The following SPAG16 variants were observed in gnomAD, a reference collection of about 807,000 sequenced individuals.
SPAG16 encodes sperm associated antigen 16.
SPAG16 carries 86 observed loss-of-function variants against 80.4 expected under a neutral mutation model. The observed-to-expected ratio is 1.07, with a 90% CI of 0.90 to 1.28. The LOEUF (loss-of-function observed/expected upper bound fraction) is 1.28. Among genes scored for constraint, SPAG16 ranks in the 50% most tolerant of loss-of-function variants. SPAG16 has a pLI of 0.00. For synonymous variants in SPAG16, 294 were observed against 265.9 expected, an observed-to-expected ratio of 1.11 and a Z score of -1.03; for missense variants, 870 against 765.3, an observed-to-expected ratio of 1.14 and a Z score of -1.61.
intron 12 of SPAG16, among the ~76,000 whole-genome samples, chr2:213,960,255 A>G (rs577191425): frequency 6.6e-6 from 1 of 152,088 alleles, no homozygotes; most frequent in African/African-American, 2.4e-5. Flanking sequence ...ATTGTGTTCA[A>G]CATTGTTTTT....
At chr2:213,559,640 A>C (rs2059539398) in intron 10 of SPAG16, among the ~76,000 whole-genome samples, 1 of 152,160 alleles carries the variant, frequency 6.6e-6, no homozygotes, top group Non-Finnish European at 1.5e-5. Flanking sequence ...ACAATAAGAA[A>C]TGTATAACAT....
chr2:214,350,203 C>G (rs1449290891), intron 15 of SPAG16, among the ~76,000 whole-genome samples: 1 of 152,194 alleles, frequency 6.6e-6, no homozygotes, highest in Non-Finnish European at 1.5e-5. Context: ...ACCTCTGAAA[C>G]TTATATCTTC....
In SPAG16 at chr2:214,294,983, G is replaced by C. The variant is rs931584246; in HGVS notation, c.1721-115157G>C. On this transcript the variant is annotated intron_variant, in intron 15 of 15. Transcript: ENST00000331683. ...TTATTGGAAAAGAATGATAATGCCT[G>C]TATCCCTGTATGAGCACTTGCTCTA... 2.6e-5 allele frequency among the ~76,000 whole-genome samples: 4 copies of C among 152,300 alleles called. No homozygotes were observed. The South Asian group carries it at 8.3e-4, about 32-fold the overall frequency.
chr2:214,149,092 T>TATAC (rs1351352907), intron 14 of SPAG16, 48 bp from the exon 15 acceptor site: 2 of 668,540 alleles, frequency 3.0e-6, no homozygotes, highest in Non-Finnish European at 4.4e-6. Context: ...TATATATATA[T>TATAC]ATATACATAC....
intron 14 of SPAG16, among the ~76,000 whole-genome samples, chr2:214,141,857 C>A (rs2055378583): frequency 1.3e-5 from 2 of 152,078 alleles, no homozygotes; most frequent in South Asian, 4.1e-4. Context: ...TGTTTAGGTG[C>A]AGTTTTATTT....
At chr2:214,135,694 C>T (rs1244977865) in intron 14 of SPAG16, among the ~76,000 whole-genome samples, 1 of 150,420 alleles carries the variant, frequency 6.6e-6, no homozygotes, top group Non-Finnish European at 1.5e-5. Flanking sequence ...CCTGGAACTT[C>T]CTCTATCTCT....
chr2:214,149,095 A>ATATATT, intron 14 of SPAG16, 45 bp from the exon 15 acceptor site: 1 of 724,630 alleles, frequency 1.4e-6, no homozygotes, highest in South Asian at 2.2e-5. Context: ...ATATATATAT[A>ATATATT]TACATACATA....
intron 10 of SPAG16, among the ~76,000 whole-genome samples, chr2:213,621,241 T>C (rs1574524916): frequency 6.6e-6 from 1 of 152,202 alleles, no homozygotes; most frequent in East Asian, 1.9e-4. Context: ...TGTTAGTCAA[T>C]AAATTCTGAC....
chr2:213,987,777 C>A (rs2046084835), intron 12 of SPAG16, among the ~76,000 whole-genome samples: 1 of 147,414 alleles, frequency 6.8e-6, no homozygotes, highest in Non-Finnish European at 1.5e-5. Flanking sequence ...AAAAGCAATA[C>A]ATAACAGAAA....
chr2:214,168,721 T>G (rs566878257), intron 15 of SPAG16, among the ~76,000 whole-genome samples: 1 of 152,052 alleles, frequency 6.6e-6, no homozygotes, highest in Non-Finnish European at 1.5e-5. Flanking sequence ...GTTAAAAAAA[T>G]GTTGCAGAGG....
At chr2:214,244,708 A>G (rs193139386) in intron 15 of SPAG16, among the ~76,000 whole-genome samples, 59 of 152,242 alleles carry the variant, frequency 3.9e-4, no homozygotes, top group Admixed American at 1.8e-3. Context: ...TATTATGACT[A>G]CTAATGCTCC....
At chr2:213,583,076 T>C (rs374850056) in intron 10 of SPAG16, among the ~76,000 whole-genome samples, 2 of 152,216 alleles carry the variant, frequency 1.3e-5, no homozygotes, top group African/African-American at 2.4e-5. Flanking sequence ...TCTATTTTGC[T>C]TCAGGTATGA....
intron 12 of SPAG16, among the ~76,000 whole-genome samples, chr2:213,958,561 A>G (rs1436173893): frequency 6.6e-6 from 1 of 152,200 alleles, no homozygotes; most frequent in Non-Finnish European, 1.5e-5. Flanking sequence ...CTGCCCCTTT[A>G]CAGGTCAGTT....
At chr2:213,770,502 A>G (rs1478645395) in intron 10 of SPAG16, among the ~76,000 whole-genome samples, 1 of 152,174 alleles carries the variant, frequency 6.6e-6, no homozygotes, top group Non-Finnish European at 1.5e-5. Flanking sequence ...CAGGACATGC[A>G]GGTTTGTTAC....
chr2:213,755,631 A>T (rs973214520), intron 10 of SPAG16, among the ~76,000 whole-genome samples: 2 of 152,236 alleles, frequency 1.3e-5, no homozygotes, highest in Non-Finnish European at 2.9e-5. Context: ...TAACAAGGAC[A>T]GGGTTTGCTT....
chr2:214,243,498 A>G (rs1215480601), intron 15 of SPAG16, among the ~76,000 whole-genome samples: 1 of 152,044 alleles, frequency 6.6e-6, no homozygotes, highest in Non-Finnish European at 1.5e-5. Flanking sequence ...TCATATATTG[A>G]TGAGTATAGT....
intron 15 of SPAG16, among the ~76,000 whole-genome samples, chr2:214,323,077 A>G (rs1249032980): frequency 2.6e-5 from 4 of 152,112 alleles, no homozygotes; most frequent in Non-Finnish European, 2.9e-5. Context: ...CTTATTCTCT[A>G]CTGCTGTTTC....
At chr2:213,578,811 A>G (rs1247863463) in intron 10 of SPAG16, among the ~76,000 whole-genome samples, 1 of 152,090 alleles carries the variant, frequency 6.6e-6, no homozygotes, top group Non-Finnish European at 1.5e-5. Flanking sequence ...AAGGTAACAA[A>G]TATCAGCTTT....
chr2:214,059,244 A>G (rs1307657878), intron 13 of SPAG16, among the ~76,000 whole-genome samples: 1 of 101,898 alleles, frequency 9.8e-6, no homozygotes, highest in Non-Finnish European at 2.1e-5. Flanking sequence ...ATATATATGT[A>G]TGTATATATA....
Sources: gnomAD v4.1 joint callset for allele counts (sites outside exome capture counted in the v4.1 genomes callset) on GRCh38, gnomAD v4.1.1 for gene constraint, MANE v1.5 for transcripts, NCBI Gene and HGNC (gene_info 2026-07-23, HGNC 2026-07-21) for gene names.